Variants in ATG2B observed in about 807,000 individuals in gnomAD.
ATG2B encodes autophagy-related protein 2 homolog B.
ATG2B carries 121 observed loss-of-function variants against 241.3 expected under a neutral mutation model. The observed-to-expected ratio is 0.50, with a 90% CI of 0.43 to 0.58. The LOEUF (loss-of-function observed/expected upper bound fraction) is 0.58, where lower values mean the gene tolerates loss of function less well. Ranked by LOEUF, ATG2B falls within the 20% of genes least tolerant of loss-of-function variation. The pLI is 0.00. For synonymous variants in ATG2B, 858 were observed against 876.6 expected (o/e 0.98, Z 0.37); for missense variants, 2,306 against 2,491.6 (o/e 0.93, Z 1.59).
Position 96,317,260 on chromosome 14 carries a change from T to C in ATG2B, c.3095A>G (p.Asn1032Ser). 6.2e-7 allele frequency: 1 copy of C among 1,613,918 alleles called. No individual in the cohort carries two copies. The highest frequency in any genetic ancestry group is 8.5e-7 in the Non-Finnish European group (1 of 1,179,870). Residue 1032 changes from asparagine (N) to serine (S), a missense_variant, in exon 20 of 42, where the codon AAC becomes AGC. Transcript: ENST00000359933. ...TTTTTTTTTCCTGCGAGAACGATAG[T>C]TGGGATCAACAGTGGAAAAATACTG... The part of the protein sequence containing the change: ...TLQYFSTVDP[N>S]YRSRRKKKLD...
intron 29 of ATG2B, among the ~76,000 whole-genome samples, chr14:96,308,283 T>TGTATATATATATA (rs1491275020): frequency 9.9e-5 from 3 of 30,214 alleles, no homozygotes; most frequent in South Asian, 1.1e-3. Flanking sequence ...TATATATATA[T>TGTATATATATATA]TTTTTTTTTT....
intron 29 of ATG2B, 87 bp downstream of exon 29, chr14:96,309,366 T>C: frequency 6.8e-7 from 1 of 1,480,008 alleles, no homozygotes; most frequent in African/African-American, 1.4e-5. Context: ...GCGTCTTTAA[T>C]AAGTGACTTA....
intron 31 of ATG2B, among the ~76,000 whole-genome samples, chr14:96,305,014 C>CAACT (rs1357743506): frequency 6.5e-4 from 99 of 151,784 alleles, no homozygotes; most frequent in African/African-American, 2.4e-3. Flanking sequence ...TTTAAAGTCG[C>CAACT]TTTTAAGTAG....
rs763166082 is a variant in ATG2B at position 96,283,770 on chromosome 14, G to C, written c.*1985C>G. The stretch of plus-strand genomic sequence containing the variant: ...ACATCTTTCCAGAATCTCAGGTAAA[G>C]AACATCTTGGCTGAACTGACAACGA... On this transcript the variant is annotated 3_prime_UTR_variant, in exon 42 of 42. Transcript: ENST00000359933. The C allele has an allele frequency of 4.6e-5, 7 of 152,220 alleles. No individual in the cohort carries two copies. The highest frequency in any genetic ancestry group is 8.8e-5 in the Non-Finnish European group (6 of 68,030). The allele number at this position is 152,220 out of a possible 1,614,324, so 9.4% of individuals were successfully genotyped here. A position where few individuals can be genotyped will look rare whatever the true frequency, so the allele number is the denominator to read the frequency against.
chr14:96,356,191 A>G (rs933996042), intron 1 of ATG2B, among the ~76,000 whole-genome samples: 9 of 151,272 alleles, frequency 5.9e-5, no homozygotes, highest in African/African-American at 1.9e-4. Context: ...AAAAAAGTGC[A>G]TGAGCTAATT....
chr14:96,355,658 C>A lies in ATG2B; in HGVS notation c.162+7157G>T, dbSNP rs887488646. Among the ~76,000 whole-genome samples the A allele has an allele frequency of 6.6e-5, 10 of 151,942 alleles. 1 individual carries two copies. The highest frequency in any genetic ancestry group is 1.9e-4 in the African/African-American group (8 of 41,342). ...GTACTAAGCAAACACTTTTTAAATG[C>A]GGGCCATTGGTCTTTATCTTTCACA... On this transcript the variant is annotated intron_variant, in intron 1 of 41. Coordinates refer to ENST00000359933, the MANE Select transcript of ATG2B (RefSeq NM_018036.7).
intron 1 of ATG2B, among the ~76,000 whole-genome samples, chr14:96,360,760 T>A (rs1279393599): frequency 6.6e-6 from 1 of 152,018 alleles, no homozygotes; most frequent in Non-Finnish European, 1.5e-5. Flanking sequence ...GATCTGTGAA[T>A]CTCCGAAGGT....
intron 34 of ATG2B, among the ~76,000 whole-genome samples, chr14:96,298,927 A>C (rs536626042): frequency 6.8e-6 from 1 of 147,216 alleles, no homozygotes; most frequent in Admixed American, 6.7e-5. Flanking sequence ...CAATGTTTTT[A>C]AACTTTAAAA....
intron 23 of ATG2B, 81 bp from the exon 24 acceptor site, chr14:96,313,516 C>A: frequency 1.8e-6 from 1 of 565,986 alleles, no homozygotes. Context: ...CAATGTAAAC[C>A]AGAATATCTC....
chr14:96,315,715 C>T, intron 21 of ATG2B, 132 bp from the exon 22 acceptor site: 1 of 668,940 alleles, frequency 1.5e-6, no homozygotes. Context: ...ATGACAAAAA[C>T]CAGCATGGCA....
intron 6 of ATG2B, among the ~76,000 whole-genome samples, chr14:96,341,156 A>G (rs1276839973): frequency 2.6e-5 from 4 of 152,202 alleles, no homozygotes; most frequent in Non-Finnish European, 5.9e-5. Context: ...CTTTTCCTTT[A>G]AACTTAATTT....
intron 15 of ATG2B, chr14:96,324,216 G>C: frequency 2.0e-6 from 1 of 512,144 alleles, no homozygotes; most frequent in East Asian, 3.6e-5. Flanking sequence ...AAGTACCAAG[G>C]TACACTGCAT....
chr14:96,327,229 T>TTAA (rs1566726548), intron 14 of ATG2B, among the ~76,000 whole-genome samples: 555 of 19,654 alleles, frequency 0.028, 5 homozygotes, highest in African/African-American at 0.099. Context: ...GATGTCTGTC[T>TTAA]CAATAATAAT....
intron 30 of ATG2B, among the ~76,000 whole-genome samples, chr14:96,306,317 CACT>C (rs1886946634): frequency 6.6e-6 from 1 of 152,186 alleles, no homozygotes; most frequent in South Asian, 2.1e-4. Flanking sequence ...TACACACACA[CACT>C]TATATCTATA....
In ATG2B at chr14:96,317,883, T is replaced by C. The variant is rs73363252; in HGVS notation, c.2880-28A>G. On this transcript the variant is annotated intron_variant, in intron 18 of 41. Transcript: ENST00000359933. ...ATAAAGACAAAAGTTGAAAAATAAG[T>C]ACTTAACTCCTAGTTCAACAGAAGG... is the stretch of plus-strand genomic sequence containing the variant. The C allele has an allele frequency of 4.9e-3, 7,430 of 1,508,190 alleles. 324 individuals are homozygous for C. In the African/African-American group the frequency reaches 0.091, roughly 18 times the overall value. 93.4% of individuals were successfully genotyped at this position (1,508,190 alleles called of 1,614,324 possible).
intron 11 of ATG2B, 111 bp from the exon 12 acceptor site, chr14:96,329,745 C>G: frequency 1.6e-6 from 1 of 610,458 alleles, no homozygotes. Flanking sequence ...GGAAATTAAC[C>G]AGAAAGATTG....
chr14:96,352,372 C>T (rs1435310371), intron 1 of ATG2B, among the ~76,000 whole-genome samples: 30 of 151,916 alleles, frequency 2.0e-4, no homozygotes, highest in Admixed American at 1.9e-3. Flanking sequence ...TTAGAGTATA[C>T]TCCTACTTTA....
Position 96,317,700 on chromosome 14 carries a change from T to C in ATG2B, c.3035A>G (p.Tyr1012Cys), listed in dbSNP as rs201683227. ...SFSAFKSAVH[Y>C]DEESGSEEET... ...AAAACAAATTAAAAATATATTACCA[T>C]AGTGAACTGCAGATTTAAATGCACT... The change falls in exon 19 of 42, where the codon TAT (tyrosine) becomes TGT (cysteine). Residue 1012 changes from tyrosine to cysteine, a missense_variant and splice_region_variant. By Grantham distance (194) the Tyr-to-Cys change is radical. This residue lies in a region of ATG2B where 1,927 missense variants were observed against 2,011.2 expected (regional missense o/e 0.96). Coordinates refer to ENST00000359933, the MANE Select transcript of ATG2B (RefSeq NM_018036.7). 73 of 1,600,282 alleles carry C rather than the reference T, an allele frequency of 4.6e-5. No homozygotes were observed. The African/African-American group carries it at 8.2e-4, about 18-fold the overall frequency.
chr14:96,286,716 C>G (rs1161659920), intron 41 of ATG2B, among the ~76,000 whole-genome samples: 1 of 152,070 alleles, frequency 6.6e-6, no homozygotes, highest in African/African-American at 2.4e-5. Context: ...ACTTCTGAAT[C>G]TTTACCATTT....
Sources: allele counts gnomAD v4.1 joint callset (sites outside exome capture counted in the v4.1 genomes callset), GRCh38; gene constraint gnomAD v4.1.1; regional missense constraint gnomAD v4.1.1; transcripts MANE v1.5; gene names NCBI Gene and HGNC (gene_info 2026-07-23, HGNC 2026-07-21).